Variants in RPS24 observed in about 807,000 individuals in gnomAD.
The protein encoded by RPS24 is small ribosomal subunit protein eS24.
For missense variants in RPS24, 100 were observed against 162.5 expected, an observed-to-expected ratio of 0.62 and a Z score of 2.09; for synonymous variants, 72 against 55.6, an observed-to-expected ratio of 1.30 and a Z score of -1.31.
At chr10:78,038,160 C>CA (rs1441815711) in intron 4 of RPS24, 1 of 307,378 alleles carries the variant, frequency 3.3e-6, no homozygotes, top group African/African-American at 2.2e-5. Context: ...ACTTTTGCAC[C>CA]AACCTAATAT....
intron 1 of RPS24, 32 bp downstream of exon 1, chr10:78,033,936 C>T (rs1847797500): frequency 3.7e-6 from 6 of 1,613,442 alleles, no homozygotes; most frequent in Non-Finnish European, 5.1e-6. Context: ...CAGTCATCTG[C>T]CGCGTATCCG....
At chr10:78,044,367 G>A (rs995440053), downstream of RPS24, among the ~76,000 whole-genome samples, 1 of 152,110 alleles carries the variant, frequency 6.6e-6, no homozygotes. Context: ...TGGGGAGGTG[G>A]GAGCAGAGTG....
chr10:78,048,580 G>A (rs762295922), intron 4 of RPS24, among the ~76,000 whole-genome samples: 4 of 152,146 alleles, frequency 2.6e-5, no homozygotes, highest in Admixed American at 6.5e-5. Flanking sequence ...CAGAGAGTCT[G>A]GTTAGAAATT....
downstream of RPS24, among the ~76,000 whole-genome samples, chr10:78,041,830 T>G (rs1003683212): frequency 6.6e-6 from 1 of 152,110 alleles, no homozygotes; most frequent in African/African-American, 2.4e-5. Context: ...GGAAATAGTT[T>G]CTGATGTGAA....
intron 3 of RPS24, 94 bp downstream of exon 3, chr10:78,035,814 A>G (rs997985361): frequency 2.1e-6 from 2 of 968,826 alleles, no homozygotes; most frequent in Non-Finnish European, 3.3e-6. Flanking sequence ...AGACCAAGCA[A>G]TCTGGGATAC....
chr10:78,049,703 G>A (rs1299361737), intron 4 of RPS24, among the ~76,000 whole-genome samples: 1 of 152,172 alleles, frequency 6.6e-6, no homozygotes, highest in Non-Finnish European at 1.5e-5. Flanking sequence ...GCTAGTGCAA[G>A]GTCAGCATCT....
chr10:78,053,241 C>A (rs374718768), intron 4 of RPS24, among the ~76,000 whole-genome samples: 6 of 151,882 alleles, frequency 4.0e-5, no homozygotes, highest in African/African-American at 1.5e-4. Context: ...GGGCCTGCCC[C>A]CTGGGAAGCA....
At position 78,035,342 on chromosome 10, in the gene RPS24, A is replaced by G. The variant is rs1019548459; in HGVS notation, c.4-10A>G. The G allele has an allele frequency of 5.0e-6, 8 of 1,613,476 alleles. No individual in the cohort carries two copies. The East Asian group carries it at 1.6e-4, about 31-fold the overall frequency. ...AGTAGTTTTATTAACCAGAGTGTTT[A>G]TGTTTTCAGAACGACACCGTAACTA... On this transcript the variant is annotated splice_polypyrimidine_tract_variant and intron_variant, in intron 1 of 5. Coordinates refer to ENST00000372360, the MANE Select transcript of RPS24 (RefSeq NM_033022.4).
chr10:78,051,711 C>T (rs1197976736), intron 4 of RPS24, among the ~76,000 whole-genome samples: 1 of 152,198 alleles, frequency 6.6e-6, no homozygotes, highest in Non-Finnish European at 1.5e-5. Context: ...TTCTCCACAT[C>T]CTTCCTGACA....
intron 4 of RPS24, among the ~76,000 whole-genome samples, chr10:78,046,029 C>T (rs1345062757): frequency 6.6e-6 from 1 of 151,912 alleles, no homozygotes; most frequent in Non-Finnish European, 1.5e-5. Flanking sequence ...AGCCTCTTGC[C>T]CCAGTTTTCA....
chr10:78,055,760 C>CT (rs950522402), exon 5 of RPS24: 169 of 149,342 alleles, frequency 1.1e-3, no homozygotes, highest in African/African-American at 3.7e-3. Flanking sequence ...TGGATATCTT[C>CT]TTTTTTTTTT....
intron 4 of RPS24, chr10:78,038,506 T>C (rs1410732075): frequency 2.6e-5 from 4 of 151,974 alleles, no homozygotes; most frequent in Non-Finnish European, 5.9e-5. Flanking sequence ...CATTGCTTTT[T>C]ATTACTTAAT....
At chr10:78,033,933 C>G in intron 1 of RPS24, 29 bp downstream of exon 1, 1 of 1,613,872 alleles carries the variant, frequency 6.2e-7, no homozygotes, top group Non-Finnish European at 8.5e-7. Flanking sequence ...GTGCAGTCAT[C>G]TGCCGCGTAT....
chr10:78,046,558 T>C (rs1848045708), intron 4 of RPS24, among the ~76,000 whole-genome samples: 1 of 152,004 alleles, frequency 6.6e-6, no homozygotes, highest in African/African-American at 2.4e-5. Flanking sequence ...TTTCTCCATG[T>C]TGGCCAGGCT....
At chr10:78,036,986 C>T (rs927173708) in intron 3 of RPS24, among the ~76,000 whole-genome samples, 1 of 152,170 alleles carries the variant, frequency 6.6e-6, no homozygotes, top group Admixed American at 6.5e-5. Context: ...GTTGAGTGGA[C>T]CATTTGTTTC....
At position 78,040,184 on chromosome 10, in the gene RPS24, C is replaced by A; in HGVS notation, c.391-20C>A. 3 of 1,612,476 alleles carry A rather than the reference C, an allele frequency of 1.9e-6. No individual in the cohort carries two copies. Among genetic ancestry groups the A allele is most frequent in the Non-Finnish European group, 2.5e-6 (3 of 1,178,690 alleles). ...TCTTTTCCCTCCTTTCTCTTTTTCC[C>A]TTCCCCGCCACTGATTCAGTGAGCT... On this transcript the variant is annotated intron_variant, in intron 4 of 5. Coordinates refer to ENST00000372360, the MANE Select transcript of RPS24 (RefSeq NM_033022.4).
chr10:78,048,672 C>G (rs111527371), intron 4 of RPS24, among the ~76,000 whole-genome samples: 1 of 151,848 alleles, frequency 6.6e-6, no homozygotes, highest in Non-Finnish European at 1.5e-5. Context: ...GTCAGGAGTT[C>G]GAGACCAGCT....
chr10:78,043,831 C>T (rs1011486062), downstream of RPS24, among the ~76,000 whole-genome samples: 1 of 152,086 alleles, frequency 6.6e-6, no homozygotes, highest in Non-Finnish European at 1.5e-5. Flanking sequence ...CAGTTGCTGT[C>T]GGTCAACTGC....
intron 4 of RPS24, among the ~76,000 whole-genome samples, chr10:78,050,446 C>G (rs1462939645): frequency 2.0e-5 from 3 of 152,222 alleles, no homozygotes; most frequent in Non-Finnish European, 4.4e-5. Flanking sequence ...ATCTGTCTTT[C>G]TTTCCTTCTT....
Sources: allele counts gnomAD v4.1 joint callset (sites outside exome capture counted in the v4.1 genomes callset), GRCh38; gene constraint gnomAD v4.1.1; transcripts MANE v1.5; gene names NCBI Gene and HGNC (gene_info 2026-07-23, HGNC 2026-07-21).